DOK6: variants seen among roughly 807,000 people sequenced by gnomAD.
DOK6 encodes the protein docking protein 6, also known as downstream of tyrosine kinase 6.
DOK6 carries 22 observed loss-of-function variants against 44.0 expected under a neutral mutation model. That is an observed-to-expected ratio of 0.50 (90% confidence interval 0.36 to 0.71). The LOEUF (loss-of-function observed/expected upper bound fraction) is 0.71. DOK6 is among the 30% of genes least tolerant of loss of function. The pLI, the probability that DOK6 is intolerant of heterozygous loss-of-function variation, is 0.00. For missense variants in DOK6, 340 were observed against 416.4 expected (o/e 0.82, Z 1.60); for synonymous variants, 166 against 145.5 (o/e 1.14, Z -1.01).
chr18:69,826,885 G>A (rs1053099135), intron 7 of DOK6, among the ~76,000 whole-genome samples: 17 of 152,072 alleles, frequency 1.1e-4, no homozygotes, highest in Non-Finnish European at 2.4e-4. Flanking sequence ...TTCTTATATA[G>A]ATCTGTATCC....
At chr18:69,501,386 T>G (rs967419037) in intron 1 of DOK6, among the ~76,000 whole-genome samples, 2 of 152,156 alleles carry the variant, frequency 1.3e-5, no homozygotes, top group Non-Finnish European at 2.9e-5. Context: ...AAATACTATA[T>G]GTTGGAACCC....
chr18:69,411,695 T>G (rs73466814), intron 1 of DOK6, among the ~76,000 whole-genome samples: 12,747 of 152,188 alleles, frequency 0.084, 585 homozygotes, highest in Middle Eastern at 0.18. Context: ...TCTTTCTTGA[T>G]GTTTATAGGG....
chr18:69,413,898 T>A (rs73971954), intron 1 of DOK6, among the ~76,000 whole-genome samples: 126 of 151,874 alleles, frequency 8.3e-4, no homozygotes, highest in Middle Eastern at 3.4e-3. Context: ...AGTAAATTTT[T>A]AAAAAACCAT....
At chr18:69,821,520 T>C (rs1981569271) in intron 7 of DOK6, among the ~76,000 whole-genome samples, 1 of 152,194 alleles carries the variant, frequency 6.6e-6, no homozygotes, top group Admixed American at 6.6e-5. Context: ...TTTCCATCTT[T>C]AAAAGTACCC....
At chr18:69,467,288 A>G (rs1428853357) in intron 1 of DOK6, among the ~76,000 whole-genome samples, 1 of 152,172 alleles carries the variant, frequency 6.6e-6, no homozygotes, top group Non-Finnish European at 1.5e-5. Flanking sequence ...ATTCATATAT[A>G]AGATCATAGA....
chr18:69,424,696 T>C (rs1978589439), intron 1 of DOK6, among the ~76,000 whole-genome samples: 1 of 152,210 alleles, frequency 6.6e-6, no homozygotes, highest in Non-Finnish European at 1.5e-5. Context: ...TCTAGTCTAA[T>C]GACACAATAT....
At chr18:69,698,117 C>G (rs1986427898) in intron 4 of DOK6, among the ~76,000 whole-genome samples, 2 of 152,154 alleles carry the variant, frequency 1.3e-5, no homozygotes, top group Non-Finnish European at 2.9e-5. Flanking sequence ...AACTTTTGCC[C>G]TTATTTTTCC....
intron 7 of DOK6, among the ~76,000 whole-genome samples, chr18:69,819,469 C>G (rs1287971991): frequency 6.6e-6 from 1 of 152,136 alleles, no homozygotes; most frequent in Non-Finnish European, 1.5e-5. Context: ...CCAGCATGTA[C>G]AATCCCAGAA....
intron 3 of DOK6, among the ~76,000 whole-genome samples, chr18:69,623,062 G>T (rs1984479659): frequency 6.6e-6 from 1 of 152,142 alleles, no homozygotes; most frequent in African/African-American, 2.4e-5. Flanking sequence ...ATGGGGGGTG[G>T]ACTTCTCCCT....
At chr18:69,614,758 C>T (rs1342429452) in intron 3 of DOK6, among the ~76,000 whole-genome samples, 2 of 151,156 alleles carry the variant, frequency 1.3e-5, no homozygotes, top group Admixed American at 6.6e-5. Flanking sequence ...CTGTAAAGTC[C>T]AATTACTATT....
intron 3 of DOK6, among the ~76,000 whole-genome samples, chr18:69,632,910 T>G (rs1984722022): frequency 6.6e-6 from 1 of 152,174 alleles, no homozygotes; most frequent in African/African-American, 2.4e-5. Context: ...ACACAAGTAC[T>G]CATAGAAACC....
intron 7 of DOK6, among the ~76,000 whole-genome samples, chr18:69,808,324 C>T (rs1252502480): frequency 7.3e-5 from 11 of 151,538 alleles, no homozygotes; most frequent in Non-Finnish European, 4.4e-5. Context: ...TAAATGCCTA[C>T]ACCAAAAAAG....
At chr18:69,758,840 T>TTA (rs1333678086) in intron 7 of DOK6, among the ~76,000 whole-genome samples, 1 of 152,224 alleles carries the variant, frequency 6.6e-6, no homozygotes, top group Non-Finnish European at 1.5e-5. Context: ...TTGCTCACTA[T>TTA]TAACAATGCT....
intron 7 of DOK6, among the ~76,000 whole-genome samples, chr18:69,775,475 C>T (rs772699001): frequency 2.6e-5 from 4 of 151,806 alleles, no homozygotes; most frequent in Admixed American, 6.6e-5. Flanking sequence ...AGTATGGATA[C>T]GTTTATATTT....
intron 1 of DOK6, among the ~76,000 whole-genome samples, chr18:69,511,948 A>G (rs1344021096): frequency 3.9e-5 from 6 of 152,158 alleles, no homozygotes; most frequent in Admixed American, 3.3e-4. Context: ...ATGAATGTGC[A>G]ATGTAAAGGA....
At chr18:69,650,207 C>A (rs1171298248) in intron 3 of DOK6, among the ~76,000 whole-genome samples, 1 of 151,770 alleles carries the variant, frequency 6.6e-6, no homozygotes, top group East Asian at 1.9e-4. Context: ...TAAAAAAAAA[C>A]GTGGTTGGTT....
At chr18:69,633,488 A>G (rs1984734692) in intron 3 of DOK6, among the ~76,000 whole-genome samples, 1 of 152,186 alleles carries the variant, frequency 6.6e-6, no homozygotes, top group Admixed American at 6.5e-5. Flanking sequence ...TCTTCTTAGT[A>G]TACATATCTT....
Position 69,739,318 on chromosome 18 carries a change from T to C in DOK6, c.738+215T>C, listed in dbSNP as rs539175640. Among the ~76,000 whole-genome samples, 22 of 152,336 alleles carry C rather than the reference T, an allele frequency of 1.4e-4. 1 individual carries two copies. The South Asian group carries it at 4.3e-3, about 30-fold the overall frequency. On this transcript the variant is annotated intron_variant, in intron 6 of 7. Coordinates refer to ENST00000382713, the MANE Select transcript of DOK6 (RefSeq NM_152721.6). Reference sequence around the variant, plus strand: ...CCACCAACTGTGAGCCCTGCACTTCTGGCATCTACCTATGTAAGACCTGTT... The same window carrying C: ...CCACCAACTGTGAGCCCTGCACTTCCGGCATCTACCTATGTAAGACCTGTT...
At chr18:69,639,972 C>T (rs1014775850) in intron 3 of DOK6, among the ~76,000 whole-genome samples, 1 of 152,190 alleles carries the variant, frequency 6.6e-6, no homozygotes, top group African/African-American at 2.4e-5. Context: ...GGTCACTTGC[C>T]TGTTTCCCCA....
Sources: allele counts gnomAD v4.1 joint callset (sites outside exome capture counted in the v4.1 genomes callset), GRCh38; gene constraint gnomAD v4.1.1; transcripts MANE v1.5; gene names NCBI Gene and HGNC (gene_info 2026-07-23, HGNC 2026-07-21).